CELF4: variants seen among roughly 807,000 people sequenced by gnomAD.
CELF4 encodes CUGBP Elav-like family member 4.
A neutral mutation model predicts 59.9 loss-of-function variants in CELF4; 18 were observed. That is an observed-to-expected ratio of 0.30 (90% CI 0.21 to 0.45). The LOEUF is 0.45. Among genes scored for constraint, CELF4 ranks in the 20% least tolerant of loss-of-function variants. The probability of loss-of-function intolerance (pLI) is 1.00; values close to 1 mark genes in which losing one functional copy is unlikely to be tolerated. For synonymous variants in CELF4, 261 were observed against 267.1 expected, an observed-to-expected ratio of 0.98 and a Z score of 0.22; for missense variants, 456 against 689.0, an observed-to-expected ratio of 0.66 and a Z score of 3.79.
chr18:37,558,446 C>T lies in CELF4; in HGVS notation c.286+6910G>A, dbSNP rs187982345. The stretch of plus-strand genomic sequence containing the variant: ...ACTTCTCTTATGTTGCCGAATGGAA[C>T]ACTTATCTCCTTCTTCAGGCCCCAC... On this transcript the variant is annotated intron_variant, in intron 1 of 12. Coordinates refer to ENST00000420428, the MANE Select transcript of CELF4 (RefSeq NM_020180.4). Among the ~76,000 whole-genome samples, 1,137 of 143,818 alleles carry T rather than the reference C, an allele frequency of 7.9e-3. 7 individuals carry two copies. The highest frequency in any genetic ancestry group is 0.02 in the African/African-American group (777 of 38,072). 94.4% of individuals were successfully genotyped at this position (143,818 alleles called of 152,430 possible).
intron 3 of CELF4, among the ~76,000 whole-genome samples, chr18:37,303,012 C>T (rs2096168822): frequency 1.3e-5 from 2 of 152,212 alleles, no homozygotes; most frequent in Admixed American, 1.3e-4. Flanking sequence ...CTGGAGGGTG[C>T]TTAGCAAGCA....
At chr18:37,312,896 GTGGA>G (rs1441822157) in intron 3 of CELF4, among the ~76,000 whole-genome samples, 1 of 152,218 alleles carries the variant, frequency 6.6e-6, no homozygotes, top group African/African-American at 2.4e-5. Context: ...GTGATGAGCT[GTGGA>G]CGTCCAGGTC....
intron 2 of CELF4, among the ~76,000 whole-genome samples, chr18:37,465,579 G>T (rs1295788183): frequency 2.0e-5 from 3 of 152,170 alleles, no homozygotes; most frequent in Non-Finnish European, 4.4e-5. Context: ...CTTGAAGACA[G>T]TGGGGGTTGA....
intron 1 of CELF4, among the ~76,000 whole-genome samples, chr18:37,551,764 C>A (rs2099983252): frequency 1.3e-5 from 2 of 152,174 alleles, no homozygotes; most frequent in African/African-American, 4.8e-5. Context: ...AAGGACACTG[C>A]AGACCCAAAG....
chr18:37,561,577 G>A (rs1442457312), intron 1 of CELF4, among the ~76,000 whole-genome samples: 1 of 152,170 alleles, frequency 6.6e-6, no homozygotes, highest in Non-Finnish European at 1.5e-5. Context: ...ATGGATTGCT[G>A]ATTTCTTCAT....
intron 2 of CELF4, among the ~76,000 whole-genome samples, chr18:37,421,633 C>T (rs1303755840): frequency 6.6e-6 from 1 of 152,246 alleles, no homozygotes; most frequent in Non-Finnish European, 1.5e-5. Flanking sequence ...TTTGGGGTAC[C>T]TGTGGCCTGA....
intron 3 of CELF4, among the ~76,000 whole-genome samples, chr18:37,297,183 C>T (rs148262268): frequency 2.0e-5 from 3 of 152,316 alleles, no homozygotes; most frequent in Non-Finnish European, 4.4e-5. Flanking sequence ...TTTCCTCTCC[C>T]TGGCCCATCA....
At chr18:37,369,445 G>A (rs936708098) in intron 2 of CELF4, among the ~76,000 whole-genome samples, 2 of 152,156 alleles carry the variant, frequency 1.3e-5, no homozygotes, top group African/African-American at 4.8e-5. Flanking sequence ...GCCCAGGTGG[G>A]TGAGGGATGT....
chr18:37,339,511 T>C (rs773921355), intron 2 of CELF4, among the ~76,000 whole-genome samples: 3 of 152,186 alleles, frequency 2.0e-5, no homozygotes, highest in South Asian at 2.1e-4. Context: ...CCCAGCACTT[T>C]GGGAGGCTGA....
chr18:37,536,058 G>T (rs2099973205), intron 1 of CELF4, among the ~76,000 whole-genome samples: 2 of 152,136 alleles, frequency 1.3e-5, no homozygotes, highest in East Asian at 1.9e-4. Flanking sequence ...GTTGCATCCT[G>T]GGTGTCATCA....
At chr18:37,271,313 G>A (rs542350508) in intron 7 of CELF4, among the ~76,000 whole-genome samples, 1 of 137,456 alleles carries the variant, frequency 7.3e-6, no homozygotes, top group Admixed American at 7.9e-5. Flanking sequence ...GGAGTACAGT[G>A]GTGCAATCTC....
At chr18:37,488,401 C>T (rs1419744197) in intron 1 of CELF4, among the ~76,000 whole-genome samples, 1 of 152,132 alleles carries the variant, frequency 6.6e-6, no homozygotes, top group East Asian at 1.9e-4. Flanking sequence ...GAGGCTAATA[C>T]GTATTCCTTG....
chr18:37,308,266 C>G (rs929297433), intron 3 of CELF4, among the ~76,000 whole-genome samples: 1 of 152,266 alleles, frequency 6.6e-6, no homozygotes, highest in African/African-American at 2.4e-5. Context: ...GAACTGCCTC[C>G]CCACCCCAAA....
chr18:37,259,037 G>A, intron 11 of CELF4, 144 bp downstream of exon 11: 2 of 1,331,308 alleles, frequency 1.5e-6, no homozygotes, highest in Admixed American at 2.0e-5. Flanking sequence ...GAAGGAGCAG[G>A]TTAAAAGCAG....
chr18:37,292,432 G>A (rs938712548), intron 3 of CELF4, among the ~76,000 whole-genome samples: 1 of 152,168 alleles, frequency 6.6e-6, no homozygotes, highest in South Asian at 2.1e-4. Context: ...ACCTTCCTGG[G>A]GCCCTTAAAT....
chr18:37,355,672 C>T (rs1278129165), intron 2 of CELF4, among the ~76,000 whole-genome samples: 1 of 178 alleles, frequency 5.6e-3, no homozygotes, highest in African/African-American at 0.025. Context: ...GACTCCATCC[C>T]CACCCACCCC....
In CELF4 at chr18:37,455,348, G is replaced by C. The variant is rs2099775288; in HGVS notation, c.369+30177C>G. On this transcript the variant is annotated intron_variant, in intron 2 of 12. Coordinates refer to ENST00000420428, the MANE Select transcript of CELF4 (RefSeq NM_020180.4). The stretch of plus-strand genomic sequence containing the variant: ...CTTAATTTGCTCAGAGGGTTCTTGT[G>C]AGTGAGACCTCCTCTGCTTTTTATT... Among the ~76,000 whole-genome samples, 3 of 152,162 alleles carry C rather than the reference G, an allele frequency of 2.0e-5. No homozygotes were observed. In the South Asian group the frequency reaches 6.2e-4, roughly 32 times the overall value.
chr18:37,375,035 C>T (rs922156690), intron 2 of CELF4, among the ~76,000 whole-genome samples: 3 of 152,148 alleles, frequency 2.0e-5, no homozygotes, highest in East Asian at 1.9e-4. Context: ...GATGTGTGTC[C>T]TCAGGTTGGG....
At chr18:37,274,910 G>A (rs1364228345) in intron 4 of CELF4, 26 bp from the exon 5 acceptor site, 6 of 1,601,048 alleles carry the variant, frequency 3.7e-6, no homozygotes, top group Non-Finnish European at 5.1e-6. Context: ...AGGCCGAGCT[G>A]GGACCCAGAA....
Sources: allele counts gnomAD v4.1 joint callset (sites outside exome capture counted in the v4.1 genomes callset), GRCh38; gene constraint gnomAD v4.1.1; transcripts MANE v1.5; gene names NCBI Gene and HGNC (gene_info 2026-07-23, HGNC 2026-07-21).